UBOX5: variants seen among roughly 807,000 people sequenced by gnomAD.
UBOX5 encodes the protein U-box domain containing 5.
In UBOX5, 28 loss-of-function variants were observed where a neutral mutation model predicts 39.0. The observed-to-expected ratio is 0.72, with a 90% CI of 0.53 to 0.98. The LOEUF is 0.98. Among genes scored for constraint, UBOX5 ranks in the 50% least tolerant of loss-of-function variants. The pLI, the probability that UBOX5 is intolerant of heterozygous loss-of-function variation, is 0.00. For synonymous variants in UBOX5, 283 were observed against 275.5 expected (o/e 1.03, Z -0.27); for missense variants, 585 against 674.4 (o/e 0.87, Z 1.47).
At chr20:3,123,463 CAGAAGTTG>C in intron 1 of UBOX5, 57 bp from the exon 2 acceptor site, 2 of 1,295,762 alleles carry the variant, frequency 1.5e-6, no homozygotes, top group Non-Finnish European at 2.2e-6. Flanking sequence ...TCTAAACTTT[CAGAAGTTG>C]ATTCTTAAGA....
At chr20:3,144,474 A>C (rs1006105707) in intron 1 of UBOX5, among the ~76,000 whole-genome samples, 1 of 152,184 alleles carries the variant, frequency 6.6e-6, no homozygotes, top group African/African-American at 2.4e-5. Flanking sequence ...GCTACATATA[A>C]AAATTAACTC....
chr20:3,148,209 T>C (rs1600411182), intron 1 of UBOX5: 3 of 1,614,016 alleles, frequency 1.9e-6, no homozygotes, highest in South Asian at 1.1e-5. Context: ...TTTTCACCTA[T>C]AACATAAATT....
rs544306084 is a variant in UBOX5, at chr20:3,134,008, T to C, written c.-41-10602A>G. 1.8e-4 allele frequency among the ~76,000 whole-genome samples: 27 copies of C among 152,240 alleles called. No individual in the cohort carries two copies. The East Asian group carries it at 2.1e-3, about 12-fold the overall frequency. Reference sequence around the variant, plus strand: ...CTGGGCTCAGGCAATCCACCCACCTTGGCCTCCCAAAGTGCTGAGATTACA... The same window carrying C: ...CTGGGCTCAGGCAATCCACCCACCTCGGCCTCCCAAAGTGCTGAGATTACA... On this transcript the variant is annotated intron_variant, in intron 1 of 4. Coordinates refer to ENST00000217173, the MANE Select transcript of UBOX5 (RefSeq NM_014948.4).
At chr20:3,122,663 AG>A (rs1390963490) in intron 2 of UBOX5, 79 bp from the exon 3 acceptor site, 7 of 1,477,402 alleles carry the variant, frequency 4.7e-6, no homozygotes, top group Non-Finnish European at 6.3e-6. Context: ...CTTAAGCCTG[AG>A]GTTCCTCGTT....
chr20:3,124,891 C>T (rs992214136), intron 1 of UBOX5, among the ~76,000 whole-genome samples: 1 of 149,486 alleles, frequency 6.7e-6, no homozygotes, highest in African/African-American at 2.5e-5. Flanking sequence ...GCCGCCCCGT[C>T]TGGGAGGTGA....
At chr20:3,127,653 C>T (rs562366147) in intron 1 of UBOX5, among the ~76,000 whole-genome samples, 3 of 152,192 alleles carry the variant, frequency 2.0e-5, no homozygotes, top group African/African-American at 4.8e-5. Context: ...TGCGCTCCTG[C>T]GTGATGGTAA....
chr20:3,112,177 G>A lies in UBOX5; in HGVS notation c.1418-1863C>T, dbSNP rs148724773. 1.2e-4 allele frequency among the ~76,000 whole-genome samples: 19 copies of A among 152,168 alleles called. No homozygotes were observed. The East Asian group carries it at 3.5e-3, about 28-fold the overall frequency. On this transcript the variant is annotated intron_variant, in intron 4 of 4. Coordinates refer to ENST00000217173, the MANE Select transcript of UBOX5 (RefSeq NM_014948.4). ...GGGAGGGAGGGGGGAAAGAAGGGAG[G>A]GGAGGAAGCAGGAGGAAAGAGCCAC...
chr20:3,135,191 G>A (rs1407314856), intron 1 of UBOX5, among the ~76,000 whole-genome samples: 1 of 152,016 alleles, frequency 6.6e-6, no homozygotes, highest in African/African-American at 2.4e-5. Context: ...CCAAAACATT[G>A]GTCAACTCAG....
chr20:3,114,809 A>G (rs2066280822), intron 4 of UBOX5, among the ~76,000 whole-genome samples: 1 of 151,928 alleles, frequency 6.6e-6, no homozygotes, highest in Non-Finnish European at 1.5e-5. Context: ...TTAGCCGGGC[A>G]TGGTGGCGGG....
At chr20:3,148,654 C>G in intron 1 of UBOX5, 1 of 1,614,176 alleles carries the variant, frequency 6.2e-7, no homozygotes, top group Non-Finnish European at 8.5e-7. Context: ...CTGAAACAGA[C>G]AGGAGCTGAG....
At chr20:3,148,810 C>A (rs369980933) in intron 1 of UBOX5, 26 of 1,614,080 alleles carry the variant, frequency 1.6e-5, no homozygotes, top group Non-Finnish European at 2.1e-5. Flanking sequence ...ATGTACTGGC[C>A]TTAGAGGAAG....
At chr20:3,114,474 A>G (rs1320804336) in intron 4 of UBOX5, among the ~76,000 whole-genome samples, 2 of 152,180 alleles carry the variant, frequency 1.3e-5, no homozygotes, top group Non-Finnish European at 2.9e-5. Flanking sequence ...AGATTCTGGC[A>G]TACAATGGGG....
At chr20:3,134,049 G>T (rs2066450744) in intron 1 of UBOX5, among the ~76,000 whole-genome samples, 1 of 151,978 alleles carries the variant, frequency 6.6e-6, no homozygotes, top group South Asian at 2.1e-4. Flanking sequence ...GAGCCACCTT[G>T]CCCGGCTAAG....
intron 1 of UBOX5, among the ~76,000 whole-genome samples, chr20:3,133,563 A>T (rs2148606194): frequency 6.6e-6 from 1 of 152,264 alleles, no homozygotes; most frequent in East Asian, 1.9e-4. Context: ...TTATAAGAAA[A>T]AAAAAAGAAT....
intron 1 of UBOX5, among the ~76,000 whole-genome samples, chr20:3,152,383 T>A (rs1295292952): frequency 3.3e-5 from 5 of 151,696 alleles, no homozygotes; most frequent in Non-Finnish European, 5.9e-5. Flanking sequence ...GCACCTGCAA[T>A]CCCAGCTACT....
chr20:3,147,060 T>C, intron 1 of UBOX5: 1 of 1,614,234 alleles, frequency 6.2e-7, no homozygotes, highest in South Asian at 1.1e-5. Flanking sequence ...TCTGCTACAT[T>C]GCAAAGGAAG....
intron 1 of UBOX5, among the ~76,000 whole-genome samples, chr20:3,126,142 A>T (rs1220453673): frequency 6.6e-6 from 1 of 152,048 alleles, no homozygotes; most frequent in Non-Finnish European, 1.5e-5. Context: ...GACATAGGAG[A>T]CTCCATTTTG....
In UBOX5 at chr20:3,122,033, G is replaced by A; in HGVS notation, c.606C>T (p.Ser202=). The A allele has an allele frequency of 6.2e-7, 1 of 1,614,244 alleles. No homozygotes were observed. The highest frequency in any genetic ancestry group is 1.1e-5 in the South Asian group (1 of 91,088). The change falls in exon 3 of 5, where the codon TCC becomes TCT. Residue 202 remains serine, a synonymous_variant. Transcript: ENST00000217173. ...EVWGQPAKTC[S]QEVIDSILLV... is the part of the protein sequence containing the mutation. ...GCAGGATGCTGTCTATCACTTCCTG[G>A]GAGCAGGTCTTGGCCGGCTGACCCC...
At chr20:3,141,840 CCA>C (rs2066519382) in intron 1 of UBOX5, among the ~76,000 whole-genome samples, 1 of 151,888 alleles carries the variant, frequency 6.6e-6, no homozygotes, top group Non-Finnish European at 1.5e-5. Flanking sequence ...TAGAAAGACT[CCA>C]CTCTACAAAA....
Sources: gnomAD v4.1 joint callset for allele counts (sites outside exome capture counted in the v4.1 genomes callset) on GRCh38, gnomAD v4.1.1 for gene constraint, MANE v1.5 for transcripts, NCBI Gene and HGNC (gene_info 2026-07-23, HGNC 2026-07-21) for gene names.